The following EXOC3 variants were observed in gnomAD, a reference collection of about 807,000 sequenced individuals.
The protein encoded by EXOC3 is SEC6-like 1.
In EXOC3, 21 loss-of-function variants were observed where a neutral mutation model predicts 73.7. That is an observed-to-expected ratio of 0.29 (90% confidence interval 0.20 to 0.41). The LOEUF (loss-of-function observed/expected upper bound fraction) is 0.41. Among genes scored for constraint, EXOC3 ranks in the 10% least tolerant of loss-of-function variants. The probability of loss-of-function intolerance (pLI) is 1.00; values close to 1 mark genes in which losing one functional copy is unlikely to be tolerated. For missense variants in EXOC3, 842 were observed against 985.1 expected, an observed-to-expected ratio of 0.85 and a Z score of 1.95; for synonymous variants, 410 against 389.1, an observed-to-expected ratio of 1.05 and a Z score of -0.63.
At chr5:460,110 T>C (rs1737940942) in intron 7 of EXOC3, among the ~76,000 whole-genome samples, 1 of 152,178 alleles carries the variant, frequency 6.6e-6, no homozygotes, top group African/African-American at 2.4e-5. Flanking sequence ...TGCCATCAAG[T>C]CAGAGACACA....
intron 3 of EXOC3, 99 bp from the exon 4 acceptor site, chr5:453,258 GTTAGCTAGGGAGA>G (rs1737706700): frequency 1.1e-5 from 8 of 730,250 alleles, no homozygotes; most frequent in Non-Finnish European, 1.8e-5. Flanking sequence ...TGCAGTTGTT[GTTAGCTAGGGAGA>G]TGTGGCTTCC....
intron 1 of EXOC3, among the ~76,000 whole-genome samples, 190 bp from the exon 2 acceptor site, chr5:445,960 T>C (rs144125479): frequency 6.6e-6 from 1 of 152,336 alleles, no homozygotes; most frequent in African/African-American, 2.4e-5. Flanking sequence ...CTTAAAGGTA[T>C]AACTTCTGCA....
At chr5:465,016 G>A (rs919092806) in intron 10 of EXOC3, 95 bp from the exon 11 acceptor site, 8 of 1,336,442 alleles carry the variant, frequency 6.0e-6, no homozygotes, top group African/African-American at 4.4e-5. Flanking sequence ...CAGAGCCTCC[G>A]GGGAGCCACC....
intron 11 of EXOC3, 60 bp from the exon 12 acceptor site, chr5:465,658 G>C: frequency 6.2e-7 from 1 of 1,605,548 alleles, no homozygotes; most frequent in Non-Finnish European, 8.5e-7. Context: ...CCAGAATCCA[G>C]CTGCTCCCAG....
chr5:443,724 C>T (rs1220172327), intron 1 of EXOC3, among the ~76,000 whole-genome samples: 2 of 150,800 alleles, frequency 1.3e-5, no homozygotes, highest in Non-Finnish European at 3.0e-5. Context: ...CAGGAGTTCT[C>T]CAAGGTGCAA....
At chr5:464,835 CTG>C (rs1024327478) in intron 10 of EXOC3, 2 of 529,194 alleles carry the variant, frequency 3.8e-6, no homozygotes, top group Non-Finnish European at 6.7e-6. Context: ...ACGGGCCTGT[CTG>C]TGGACCGAGT....
Position 462,166 on chromosome 5 carries a change from A to G in EXOC3, c.1512A>G (p.Ile504Met), listed in dbSNP as rs1738007167. The change falls in exon 9 of 13, where the codon ATA becomes ATG. Residue 504 changes from isoleucine (I) to methionine (M), a missense_variant. By Grantham distance (10) the Ile-to-Met change is conservative. Coordinates refer to ENST00000512944, the MANE Select transcript of EXOC3 (RefSeq NM_007277.5). ...AACCCTTTCCTTGCAGGGAATCCAT[A>G]GTCAGTTTAAAAAGAAAGTATTTAA... ...INNCQTFKES[I>M]VSLKRKYLKN... The G allele has an allele frequency of 2.5e-6, 4 of 1,613,808 alleles. No homozygotes were observed. The highest frequency in any genetic ancestry group is 3.4e-6 in the Non-Finnish European group (4 of 1,179,854).
Position 462,285 on chromosome 5 carries a change from A to G in EXOC3, c.1631A>G (p.Glu544Gly), listed in dbSNP as rs1181045366. 1.2e-6 allele frequency: 2 copies of G among 1,613,938 alleles called. No individual in the cohort carries two copies. Among genetic ancestry groups the G allele is most frequent in the South Asian group, 2.2e-5 (2 of 91,092 alleles). Residue 544 changes from glutamate (E) to glycine (G), a missense_variant, in exon 9 of 13, where the codon GAG (glutamate) becomes GGG (glycine). Physicochemically the swap from Glu to Gly is moderately conservative, Grantham distance 98. Transcript: ENST00000512944. ...AAGGAGGGCTGCAGCGGTTTGCTGG[A>G]GGAGGTCTTCCTGGACCTGGAGGTG... ...IAKEGCSGLL[E>G]EVFLDLEQHL...
At chr5:448,773 G>A (rs1204580085) in intron 3 of EXOC3, among the ~76,000 whole-genome samples, 2 of 152,200 alleles carry the variant, frequency 1.3e-5, no homozygotes, top group Non-Finnish European at 2.9e-5. Flanking sequence ...CGTGCTTGCG[G>A]CTGCAGCATT....
rs1474180624 is a variant in EXOC3 at position 465,157 on chromosome 5, G to A, written c.1823G>A (p.Arg608Gln). 1.9e-6 allele frequency: 3 copies of A among 1,596,366 alleles called. No individual in the cohort carries two copies. The highest frequency in any genetic ancestry group is 2.3e-5 in the South Asian group (2 of 88,250). Residue 608 changes from arginine to glutamine, a missense_variant, in exon 11 of 13, where the codon CGG becomes CAG. Coordinates refer to ENST00000512944, the MANE Select transcript of EXOC3 (RefSeq NM_007277.5). ...AHRRVVVEYL[R>Q]AVMQKRISFR... ...CGGCGCGTGGTGGTGGAGTACCTGC[G>A]GGCGGTCATGCAGAAGCGCATTTCC...
At chr5:446,412 C>T (rs1433704589) in intron 2 of EXOC3, 63 bp downstream of exon 2, 129 of 1,456,804 alleles carry the variant, frequency 8.9e-5, no homozygotes, top group Non-Finnish European at 1.1e-4. Context: ...TTGACATCAC[C>T]ATGATGATTT....
Position 465,215 on chromosome 5 carries a change from C to A in EXOC3, c.1881C>A (p.Ala627=), listed in dbSNP as rs370635164. ...FRSPEERKEG[A]EKMVREAEQL... is the part of the protein sequence containing the mutation. ...GCCCGGAGGAGCGCAAGGAGGGTGC[C>A]GAGAAGATGGTTAGGGAGGCAGAGC... is the stretch of plus-strand genomic sequence containing the variant. The change falls in exon 11 of 13, where the codon GCC becomes GCA. Residue 627 remains alanine (A), a synonymous_variant. Coordinates refer to ENST00000512944, the MANE Select transcript of EXOC3 (RefSeq NM_007277.5). 6 of 1,593,632 alleles carry A rather than the reference C, an allele frequency of 3.8e-6. No homozygotes were observed. Among genetic ancestry groups the A allele is most frequent in the East Asian group, 4.6e-5 (2 of 43,846 alleles).
Position 465,783 on chromosome 5 carries a change from G to A in EXOC3, c.2004G>A (p.Leu668=), listed in dbSNP as rs1327972419. 2 of 1,613,642 alleles carry A rather than the reference G, an allele frequency of 1.2e-6. No homozygotes were observed. The highest frequency in any genetic ancestry group is 8.5e-7 in the Non-Finnish European group (1 of 1,179,824). ...TIVAVAEVIK[L]TDPSLLYLEV... is the part of the protein sequence containing the mutation. Reference sequence around the variant, plus strand: ...TGGCTGTGGCCGAAGTGATCAAGCTGACAGACCCTTCTCTGCTCTACCTGG... The same window carrying A: ...TGGCTGTGGCCGAAGTGATCAAGCTAACAGACCCTTCTCTGCTCTACCTGG... The change falls in exon 12 of 13, where the codon CTG becomes CTA. Residue 668 remains leucine, a synonymous_variant. Coordinates refer to ENST00000512944, the MANE Select transcript of EXOC3 (RefSeq NM_007277.5).
At chr5:463,029 C>G (rs775227410) in intron 9 of EXOC3, among the ~76,000 whole-genome samples, 1 of 152,162 alleles carries the variant, frequency 6.6e-6, no homozygotes, top group Non-Finnish European at 1.5e-5. Context: ...TGCTTGAACC[C>G]GGGAGGTGGA....
intron 6 of EXOC3, among the ~76,000 whole-genome samples, chr5:459,086 C>T (rs901158040): frequency 6.6e-6 from 1 of 152,120 alleles, no homozygotes; most frequent in African/African-American, 2.4e-5. Flanking sequence ...ACTCCAGTCA[C>T]GTAGTGTGAG....
chr5:445,407 T>G (rs1180548407), intron 1 of EXOC3, among the ~76,000 whole-genome samples: 1 of 149,614 alleles, frequency 6.7e-6, no homozygotes, highest in African/African-American at 2.5e-5. Flanking sequence ...TGGAGTGCAG[T>G]GGCGCGATCT....
At chr5:466,621 A>T (rs1579748175) in intron 12 of EXOC3, 106 bp from the exon 13 acceptor site, 4 of 1,133,690 alleles carry the variant, frequency 3.5e-6, no homozygotes, top group South Asian at 3.2e-5. Flanking sequence ...AGCGGTCCTC[A>T]CCCCCTGTGT....
chr5:450,036 A>G (rs1445048686), intron 3 of EXOC3, among the ~76,000 whole-genome samples: 3 of 152,234 alleles, frequency 2.0e-5, no homozygotes. Flanking sequence ...ACCTGAGGTC[A>G]GGAGTTTGAG....
chr5:452,939 G>A (rs1427587269), intron 3 of EXOC3, among the ~76,000 whole-genome samples: 1 of 152,214 alleles, frequency 6.6e-6, no homozygotes, highest in African/African-American at 2.4e-5. Flanking sequence ...CTGTGAACAG[G>A]GGAAGATGCA....
Sources: allele counts gnomAD v4.1 joint callset (sites outside exome capture counted in the v4.1 genomes callset), GRCh38; gene constraint gnomAD v4.1.1; transcripts MANE v1.5; gene names NCBI Gene and HGNC (gene_info 2026-07-23, HGNC 2026-07-21).